Variants in FGF13 observed in about 807,000 individuals in gnomAD.
FGF13 encodes the protein fibroblast growth factor homologous factor 2.
Under a neutral mutation model 19.5 loss-of-function variants are expected in FGF13, and 2 were observed. The observed-to-expected ratio is 0.10, with a 90% CI of 0.04 to 0.32. The LOEUF (loss-of-function observed/expected upper bound fraction) is 0.32. FGF13 is among the 10% of genes least tolerant of loss of function. The probability of loss-of-function intolerance (pLI) is 1.00; values close to 1 mark genes in which losing one functional copy is unlikely to be tolerated. For missense variants in FGF13, 113 were observed against 192.7 expected (o/e 0.59, Z 2.45); for synonymous variants, 72 against 76.9 (o/e 0.94, Z 0.33).
chrX:139,166,307 T>G (rs989378839), intron 1 of FGF13, among the ~76,000 whole-genome samples: 1 of 111,486 alleles, frequency 9.0e-6, no homozygotes, highest in African/African-American at 3.3e-5. Context: ...CCCCCTTTGC[T>G]TGGTTCTCGT....
chrX:138,943,799 G>A (rs911821859), intron 1 of FGF13, among the ~76,000 whole-genome samples: 5 of 111,280 alleles, frequency 4.5e-5, no homozygotes, highest in African/African-American at 1.6e-4. Context: ...TTCACCTCTC[G>A]GAGACAGGGT....
At chrX:138,842,603 T>C (rs1256143123) in intron 3 of FGF13, among the ~76,000 whole-genome samples, 1 of 110,893 alleles carries the variant, frequency 9.0e-6, no homozygotes, top group Non-Finnish European at 1.9e-5. Context: ...AATATATGTG[T>C]TTTGTTTGTA....
chrX:138,680,031 C>G (rs1240419950), intron 3 of FGF13, among the ~76,000 whole-genome samples: 1 of 112,387 alleles, frequency 8.9e-6, no homozygotes, highest in African/African-American at 3.2e-5. Flanking sequence ...CGTCACCATT[C>G]AAGAATAGAT....
chrX:139,088,696 T>C (rs1023226499), intron 1 of FGF13, among the ~76,000 whole-genome samples: 3 of 111,690 alleles, frequency 2.7e-5, no homozygotes, highest in Non-Finnish European at 5.6e-5. Context: ...TTGACTGCTG[T>C]GATTTTCCAC....
chrX:138,902,640 G>A (rs189392485), intron 1 of FGF13, among the ~76,000 whole-genome samples: 1 of 111,645 alleles, frequency 9.0e-6, no homozygotes, highest in Admixed American at 9.5e-5. Context: ...GGATAAAAGA[G>A]GAGGAATACA....
intron 3 of FGF13, among the ~76,000 whole-genome samples, chrX:138,664,559 G>A (rs180927212): frequency 1.5e-5 from 1 of 67,360 alleles, no homozygotes; most frequent in Non-Finnish European, 2.8e-5. Flanking sequence ...TTGCATGTGT[G>A]AGAGAGAGAG....
At chrX:138,917,755 A>G (rs758847484) in intron 1 of FGF13, among the ~76,000 whole-genome samples, 2 of 111,692 alleles carry the variant, frequency 1.8e-5, no homozygotes, top group Non-Finnish European at 3.8e-5. Flanking sequence ...CTTTGCTATG[A>G]ACATATTTTG....
At chrX:138,923,721 A>G (rs1453217527) in intron 1 of FGF13, among the ~76,000 whole-genome samples, 1 of 111,824 alleles carries the variant, frequency 8.9e-6, no homozygotes, top group Non-Finnish European at 1.9e-5. Context: ...CAGCCACATG[A>G]ACCTTCTGTG....
intron 1 of FGF13, among the ~76,000 whole-genome samples, chrX:138,930,529 C>T (rs1340138732): frequency 9.0e-6 from 1 of 111,702 alleles, no homozygotes; most frequent in Non-Finnish European, 1.9e-5. Context: ...TGAACAAAAA[C>T]CTAGGAGAAC....
chrX:138,857,750 T>C, intron 2 of FGF13: 3 of 909,625 alleles, frequency 3.3e-6, no homozygotes, highest in East Asian at 3.6e-5. Context: ...TTAAATCAAA[T>C]ATACTCCCAG....
Position 138,690,214 on chromosome X carries a change from C to T in FGF13, c.402+12770G>A, listed in dbSNP as rs183653432. ...AGGAGGGTCAAAACTTTGCTCTTTC[C>T]TCATCACTCATGAAAGTCAATAGTA... On this transcript the variant is annotated intron_variant, in intron 3 of 4. Transcript: ENST00000315930. Among the ~76,000 whole-genome samples the T allele has an allele frequency of 1.3e-4, 14 of 111,537 alleles. No individual in the cohort carries two copies. The Admixed American group carries it at 1.3e-3, about 11-fold the overall frequency.
At chrX:139,200,130 T>C (rs2084404031) in intron 1 of FGF13, among the ~76,000 whole-genome samples, 1 of 111,895 alleles carries the variant, frequency 8.9e-6, no homozygotes, top group Non-Finnish European at 1.9e-5. Context: ...GACCATGATG[T>C]CAGAGTGAAA....
At chrX:139,156,470 T>C (rs1228726380) in intron 1 of FGF13, among the ~76,000 whole-genome samples, 1 of 112,290 alleles carries the variant, frequency 8.9e-6, no homozygotes, top group East Asian at 2.8e-4. Context: ...ATGTAACCCT[T>C]ATATTGCTAA....
intron 1 of FGF13, among the ~76,000 whole-genome samples, chrX:139,180,109 C>A (rs2084227157): frequency 8.9e-6 from 1 of 112,566 alleles, no homozygotes; most frequent in African/African-American, 3.2e-5. Context: ...CCCACTTTGA[C>A]TTTAATTTCC....
intron 1 of FGF13, among the ~76,000 whole-genome samples, chrX:138,893,587 T>G (rs1374162931): frequency 1.8e-5 from 2 of 110,647 alleles, no homozygotes; most frequent in Non-Finnish European, 3.8e-5. Flanking sequence ...CTGCAAGGAG[T>G]TGAGCTTTTT....
intron 1 of FGF13, among the ~76,000 whole-genome samples, chrX:139,049,182 T>C (rs1372634008): frequency 9.0e-6 from 1 of 111,065 alleles, no homozygotes; most frequent in Admixed American, 9.6e-5. Flanking sequence ...ATCGTGGAGA[T>C]AGAGAGTAGA....
At chrX:138,698,234 T>C (rs1466506698) in intron 3 of FGF13, among the ~76,000 whole-genome samples, 1 of 110,439 alleles carries the variant, frequency 9.1e-6, no homozygotes, top group Non-Finnish European at 1.9e-5. Flanking sequence ...TCTGTAACAA[T>C]AACAATGTGG....
intron 1 of FGF13, among the ~76,000 whole-genome samples, chrX:139,048,872 C>T (rs112382272): frequency 3.6e-5 from 4 of 110,841 alleles, no homozygotes; most frequent in African/African-American, 1.3e-4. Flanking sequence ...ATAATTTTGT[C>T]ATTTTCCTAT....
chrX:138,858,963 C>G (rs1432031414), intron 2 of FGF13, among the ~76,000 whole-genome samples: 1 of 111,784 alleles, frequency 8.9e-6, no homozygotes, highest in Non-Finnish European at 1.9e-5. Flanking sequence ...AATAGATTGA[C>G]TCTATGAGGG....
Sources: allele counts gnomAD v4.1 joint callset (sites outside exome capture counted in the v4.1 genomes callset), GRCh38; gene constraint gnomAD v4.1.1; transcripts MANE v1.5; gene names NCBI Gene and HGNC (gene_info 2026-07-23, HGNC 2026-07-21).